ROBO1: variants seen among roughly 807,000 people sequenced by gnomAD.
ROBO1 encodes the protein roundabout homolog 1.
A neutral mutation model predicts 195.9 loss-of-function variants in ROBO1; 149 were observed. That is an observed-to-expected ratio of 0.76 (90% CI 0.67 to 0.87). ROBO1 has a LOEUF of 0.87. Ranked by LOEUF, ROBO1 falls within the 40% of genes least tolerant of loss-of-function variation. ROBO1 has a pLI of 0.00. For missense variants in ROBO1, 1,933 were observed against 2,068.3 expected (o/e 0.93, Z 1.27); for synonymous variants, 816 against 733.2 (o/e 1.11, Z -1.82).
chr3:79,429,612 G>C (rs747499656), intron 2 of ROBO1, among the ~76,000 whole-genome samples: 2 of 152,106 alleles, frequency 1.3e-5, no homozygotes, highest in Non-Finnish European at 2.9e-5. Flanking sequence ...GAAAGCTCCT[G>C]GCAGCAAGTG....
intron 5 of ROBO1, 58 bp from the exon 6 acceptor site, chr3:78,717,941 A>G: frequency 6.4e-7 from 1 of 1,553,516 alleles, no homozygotes; most frequent in Non-Finnish European, 8.8e-7. Flanking sequence ...TGTTTACATG[A>G]CAGATGTCTT....
intron 1 of ROBO1, among the ~76,000 whole-genome samples, chr3:79,622,604 C>A (rs1156246848): frequency 6.6e-6 from 1 of 152,184 alleles, no homozygotes; most frequent in Non-Finnish European, 1.5e-5. Context: ...TGACCCTGAC[C>A]CATCCTTCCT....
At chr3:78,700,730 T>C (rs1270970002) in intron 8 of ROBO1, among the ~76,000 whole-genome samples, 6 of 151,584 alleles carry the variant, frequency 4.0e-5, no homozygotes, top group East Asian at 3.9e-4. Context: ...ACAGGGAGTA[T>C]TGGAATTCTG....
At chr3:79,235,483 C>T (rs2108863499) in intron 2 of ROBO1, among the ~76,000 whole-genome samples, 1 of 152,070 alleles carries the variant, frequency 6.6e-6, no homozygotes, top group Admixed American at 6.5e-5. Flanking sequence ...TTGACTTGGG[C>T]TCAAAAATGT....
rs377280602 is a variant in ROBO1 at position 78,701,827 on chromosome 3, T to C, written c.1045+12570A>G. On this transcript the variant is annotated intron_variant, in intron 8 of 30. Coordinates refer to ENST00000464233, the MANE Select transcript of ROBO1 (RefSeq NM_002941.4). ...TAAAGCTAACTTTAACAACCATTTA[T>C]GGATTTTCCTACTCTCATAAATCTG... Among the ~76,000 whole-genome samples, 19 of 152,322 alleles carry C rather than the reference T, an allele frequency of 1.2e-4. No homozygotes were observed. The East Asian group carries it at 2.5e-3, about 20-fold the overall frequency.
intron 1 of ROBO1, among the ~76,000 whole-genome samples, chr3:79,672,047 C>A (rs1425871930): frequency 6.6e-6 from 1 of 151,892 alleles, no homozygotes; most frequent in Non-Finnish European, 1.5e-5. Context: ...CACAAAAGAA[C>A]AATTTGGGTT....
intron 2 of ROBO1, among the ~76,000 whole-genome samples, chr3:79,463,359 A>C (rs1010270202): frequency 1.3e-5 from 2 of 151,538 alleles, no homozygotes; most frequent in Non-Finnish European, 2.9e-5. Context: ...TGGGTGACAG[A>C]GCAAGATTAC....
At chr3:78,712,754 G>A (rs1408020898) in intron 8 of ROBO1, among the ~76,000 whole-genome samples, 25 of 152,024 alleles carry the variant, frequency 1.6e-4, no homozygotes, top group Non-Finnish European at 5.9e-5. Context: ...ATTTCCATAC[G>A]GAAAACTTAA....
At chr3:79,631,352 C>G (rs972580960) in intron 1 of ROBO1, among the ~76,000 whole-genome samples, 4 of 151,934 alleles carry the variant, frequency 2.6e-5, no homozygotes, top group African/African-American at 9.7e-5. Context: ...ATCAACAGAT[C>G]TTCAACAAGA....
At chr3:79,156,430 G>A (rs2080859449) in intron 2 of ROBO1, among the ~76,000 whole-genome samples, 1 of 151,646 alleles carries the variant, frequency 6.6e-6, no homozygotes, top group Admixed American at 6.6e-5. Context: ...TTTTCACATT[G>A]TTACATAATA....
intron 2 of ROBO1, among the ~76,000 whole-genome samples, chr3:79,544,403 T>C (rs2107651271): frequency 6.6e-6 from 1 of 152,130 alleles, no homozygotes; most frequent in Admixed American, 6.6e-5. Flanking sequence ...CAGTTTCTGA[T>C]TACTGAAATT....
intron 2 of ROBO1, among the ~76,000 whole-genome samples, chr3:79,519,360 GT>G (rs1941096109): frequency 1.3e-5 from 2 of 152,056 alleles, no homozygotes; most frequent in African/African-American, 4.8e-5. Flanking sequence ...GCCGGGCCTG[GT>G]GGCTCACGCC....
intron 3 of ROBO1, among the ~76,000 whole-genome samples, chr3:79,113,695 A>C (rs1576689210): frequency 6.6e-6 from 1 of 152,148 alleles, no homozygotes; most frequent in East Asian, 1.9e-4. Flanking sequence ...TGAACCTGGG[A>C]GGTGGAGGTT....
At chr3:78,783,342 A>C (rs2083737541) in intron 4 of ROBO1, among the ~76,000 whole-genome samples, 1 of 152,222 alleles carries the variant, frequency 6.6e-6, no homozygotes, top group East Asian at 1.9e-4. Flanking sequence ...AAAGAAAACC[A>C]AAGCAAAACT....
At chr3:78,894,152 A>T (rs1326877728) in intron 4 of ROBO1, among the ~76,000 whole-genome samples, 3 of 152,206 alleles carry the variant, frequency 2.0e-5, no homozygotes, top group Non-Finnish European at 4.4e-5. Flanking sequence ...GTGGGAAAAT[A>T]GATTAAAAAG....
chr3:79,334,631 T>C (rs2034591765), intron 2 of ROBO1, among the ~76,000 whole-genome samples: 1 of 151,970 alleles, frequency 6.6e-6, no homozygotes, highest in South Asian at 2.1e-4. Context: ...CTGACAATCT[T>C]TGATTCAACC....
intron 4 of ROBO1, among the ~76,000 whole-genome samples, chr3:78,752,785 G>C (rs1407669493): frequency 4.6e-5 from 7 of 152,024 alleles, no homozygotes; most frequent in Non-Finnish European, 1.0e-4. Context: ...AGATGCATGT[G>C]AACATCAATT....
intron 4 of ROBO1, among the ~76,000 whole-genome samples, chr3:78,876,169 T>C (rs2035835213): frequency 6.6e-6 from 1 of 152,142 alleles, no homozygotes; most frequent in Non-Finnish European, 1.5e-5. Flanking sequence ...AACTCAAAAC[T>C]ATTTCCATGT....
intron 1 of ROBO1, among the ~76,000 whole-genome samples, chr3:79,658,521 T>G (rs1318574622): frequency 6.6e-6 from 1 of 152,138 alleles, no homozygotes; most frequent in East Asian, 1.9e-4. Context: ...CATTAATGTG[T>G]TAAAATTTTA....
Sources: allele counts gnomAD v4.1 joint callset (sites outside exome capture counted in the v4.1 genomes callset), GRCh38; gene constraint gnomAD v4.1.1; transcripts MANE v1.5; gene names NCBI Gene and HGNC (gene_info 2026-07-23, HGNC 2026-07-21).